The following XKR4 variants were observed in gnomAD, a reference collection of about 807,000 sequenced individuals.
The protein encoded by XKR4 is XK related 4, also known as XK-related protein 4.
XKR4 carries 12 observed loss-of-function variants against 53.9 expected under a neutral mutation model. The observed-to-expected ratio is 0.22, with a 90% CI of 0.14 to 0.36. XKR4 has a LOEUF of 0.36. Ranked by LOEUF, XKR4 falls within the 10% of genes least tolerant of loss-of-function variation. XKR4 has a pLI of 1.00. For synonymous variants in XKR4, 354 were observed against 362.4 expected, an observed-to-expected ratio of 0.98 and a Z score of 0.26; for missense variants, 799 against 859.5, an observed-to-expected ratio of 0.93 and a Z score of 0.88.
rs1483430649 is a variant in XKR4, at chr8:55,360,358, A to G, written c.1006+2481A>G. Reference sequence around the variant, plus strand: ...CTTCTAAATACCCCTCTGCTGATAGATGATCCCACTTACAAACAAACCAGC... The same window carrying G: ...CTTCTAAATACCCCTCTGCTGATAGGTGATCCCACTTACAAACAAACCAGC... On this transcript the variant is annotated intron_variant, in intron 2 of 2. Coordinates refer to ENST00000327381, the MANE Select transcript of XKR4 (RefSeq NM_052898.2). Among the ~76,000 whole-genome samples the G allele has an allele frequency of 2.0e-5, 3 of 152,238 alleles. No homozygotes were observed. The East Asian group carries it at 5.8e-4, about 29-fold the overall frequency.
At chr8:55,236,131 G>T (rs1032946413) in intron 1 of XKR4, among the ~76,000 whole-genome samples, 1 of 152,188 alleles carries the variant, frequency 6.6e-6, no homozygotes, top group Non-Finnish European at 1.5e-5. Context: ...AGGACACAGT[G>T]AGTCAGGGCA....
At chr8:55,490,865 C>T (rs1379750977) in intron 2 of XKR4, among the ~76,000 whole-genome samples, 1 of 152,218 alleles carries the variant, frequency 6.6e-6, no homozygotes, top group African/African-American at 2.4e-5. Context: ...TTGTTGAGAA[C>T]CTTGGTTTAC....
At chr8:55,152,927 G>C (rs1816857188) in intron 1 of XKR4, among the ~76,000 whole-genome samples, 1 of 152,188 alleles carries the variant, frequency 6.6e-6, no homozygotes, top group African/African-American at 2.4e-5. Context: ...TGTAGCTCTA[G>C]GGTCTAACTT....
At chr8:55,452,300 G>C in intron 2 of XKR4, 2 of 645,276 alleles carry the variant, frequency 3.1e-6, no homozygotes, top group South Asian at 1.6e-5. Flanking sequence ...ATTTCTCCTT[G>C]GTCAGCGCGG....
chr8:55,195,250 A>G (rs1817490293), intron 1 of XKR4, among the ~76,000 whole-genome samples: 1 of 142,548 alleles, frequency 7.0e-6, no homozygotes, highest in Admixed American at 7.0e-5. Context: ...TTATCTATCA[A>G]AAATATAACG....
chr8:55,374,818 T>TGGTA, intron 2 of XKR4, among the ~76,000 whole-genome samples: 1 of 152,266 alleles, frequency 6.6e-6, no homozygotes, highest in Middle Eastern at 3.4e-3. Flanking sequence ...GAGGGCATCG[T>TGGTA]GGTAGCAAGG....
intron 2 of XKR4, among the ~76,000 whole-genome samples, chr8:55,466,277 C>G (rs1410124021): frequency 1.3e-5 from 2 of 152,062 alleles, no homozygotes; most frequent in Non-Finnish European, 2.9e-5. Flanking sequence ...GAAAATGTGG[C>G]ACATACACCC....
At chr8:55,275,954 G>A (rs997438247) in intron 1 of XKR4, among the ~76,000 whole-genome samples, 2 of 152,088 alleles carry the variant, frequency 1.3e-5, no homozygotes, top group African/African-American at 4.8e-5. Flanking sequence ...TTTCTTCTCC[G>A]CCCTGTTGTG....
chr8:55,102,511 G>A lies in XKR4; in HGVS notation c.23G>A (p.Arg8Lys). ...ATCATGGCCGCTAAATCAGACGGGAGGCTGAAAATGAAGAAAAGCAGCGAC... is the reference window on the plus strand; with the variant it reads ...ATCATGGCCGCTAAATCAGACGGGAAGCTGAAAATGAAGAAAAGCAGCGAC... MAAKSDGRLKMKKSSDVA... is the reference protein window; with the variant it reads MAAKSDGKLKMKKSSDVA... Residue 8 changes from arginine (R) to lysine (K), a missense_variant, in exon 1 of 3, where the codon AGG becomes AAG. Transcript: ENST00000327381. This position sits in a 1 kb window ranked among gnomAD's most constrained non-coding sequence, Gnocchi z 5.1. 5 of 1,548,518 alleles carry A rather than the reference G, an allele frequency of 3.2e-6. No homozygotes were observed. Among genetic ancestry groups the A allele is most frequent in the Non-Finnish European group, 4.4e-6 (5 of 1,142,756 alleles).
chr8:55,375,510 C>CT (rs893057295), intron 2 of XKR4, among the ~76,000 whole-genome samples: 2 of 152,154 alleles, frequency 1.3e-5, no homozygotes, highest in African/African-American at 4.8e-5. Context: ...GCTCCTTGCC[C>CT]TCTAGAGCCA....
chr8:55,248,214 T>A (rs1818315976), intron 1 of XKR4, among the ~76,000 whole-genome samples: 1 of 152,206 alleles, frequency 6.6e-6, no homozygotes, highest in Admixed American at 6.5e-5. Flanking sequence ...AGCCTCTTCC[T>A]GGAACATTTA....
chr8:55,505,333 A>G (rs1162376156), intron 2 of XKR4, among the ~76,000 whole-genome samples: 2 of 152,090 alleles, frequency 1.3e-5, no homozygotes, highest in Non-Finnish European at 2.9e-5. Context: ...ACTGGTTAAG[A>G]GTATGTTGTT....
chr8:55,306,241 T>G (rs767600177), intron 1 of XKR4, among the ~76,000 whole-genome samples: 15 of 152,332 alleles, frequency 9.8e-5, no homozygotes, highest in Admixed American at 5.9e-4. Flanking sequence ...AAGGAAATGC[T>G]TATTGAAGCT....
chr8:55,251,499 G>A (rs564340047), intron 1 of XKR4, among the ~76,000 whole-genome samples: 2 of 152,320 alleles, frequency 1.3e-5, no homozygotes, highest in South Asian at 4.1e-4. Context: ...ACCATTGAAA[G>A]ATAATTAGTT....
chr8:55,340,440 A>G (rs541989650), intron 1 of XKR4, among the ~76,000 whole-genome samples: 1 of 152,254 alleles, frequency 6.6e-6, no homozygotes, highest in Non-Finnish European at 1.5e-5. Context: ...GTACAACAGA[A>G]TCACCAGCCT....
At position 55,421,594 on chromosome 8, in the gene XKR4, A is replaced by G. The variant is rs191479233; in HGVS notation, c.1006+63717A>G. 3.9e-5 allele frequency among the ~76,000 whole-genome samples: 6 copies of G among 152,320 alleles called. No individual in the cohort carries two copies. The East Asian group carries it at 1.2e-3, about 29-fold the overall frequency. On this transcript the variant is annotated intron_variant, in intron 2 of 2. Transcript: ENST00000327381. ...AGACAACAGGCCTGCATGCAATAAC[A>G]GTCATTGAAAATTAGCTGATGGTAG...
In XKR4 at chr8:55,452,901, T is replaced by A. The variant is rs950493098; in HGVS notation, c.1007-70380T>A. 3.8e-6 allele frequency: 3 copies of A among 794,178 alleles called. No individual in the cohort carries two copies. In the East Asian group the frequency reaches 7.7e-5, roughly 20 times the overall value. 49.2% of individuals were successfully genotyped at this position (794,178 alleles called of 1,614,324 possible). A position where few individuals can be genotyped will look rare whatever the true frequency, so the allele number is the denominator to read the frequency against. ...CAGGAGGTAGCTCACGCAGTTGGTA[T>A]AGTGGATGGCCTGGCTGAACACTGT... On this transcript the variant is annotated intron_variant, in intron 2 of 2. Transcript: ENST00000327381.
intron 1 of XKR4, among the ~76,000 whole-genome samples, chr8:55,315,595 G>A (rs759564278): frequency 1.2e-4 from 18 of 152,066 alleles, no homozygotes; most frequent in Non-Finnish European, 2.4e-4. Context: ...GGAGTTCAAG[G>A]CCACAGTGAA....
At chr8:55,243,645 A>G (rs1818241628) in intron 1 of XKR4, among the ~76,000 whole-genome samples, 1 of 152,180 alleles carries the variant, frequency 6.6e-6, no homozygotes, top group East Asian at 1.9e-4. Context: ...AAACTACCAA[A>G]CTATCTTCCA....
Sources: allele counts gnomAD v4.1 joint callset (sites outside exome capture counted in the v4.1 genomes callset), GRCh38; gene constraint gnomAD v4.1.1; non-coding constraint Gnocchi (gnomAD v3.1); transcripts MANE v1.5; gene names NCBI Gene and HGNC (gene_info 2026-07-23, HGNC 2026-07-21).